The following MLLT3 variants were observed in gnomAD, a reference collection of about 807,000 sequenced individuals.
The protein encoded by MLLT3 is MLLT3 super elongation complex subunit.
MLLT3 carries 4 observed loss-of-function variants against 53.2 expected under a neutral mutation model. That is an observed-to-expected ratio of 0.08 (90% confidence interval 0.04 to 0.17). MLLT3 has a LOEUF of 0.17. Ranked by LOEUF, MLLT3 falls within the 10% of genes least tolerant of loss-of-function variation. The probability of loss-of-function intolerance (pLI) is 1.00; values close to 1 mark genes in which losing one functional copy is unlikely to be tolerated. For missense variants in MLLT3, 569 were observed against 684.0 expected (o/e 0.83, Z 1.87); for synonymous variants, 283 against 230.6 (o/e 1.23, Z -2.06).
chr9:20,347,935 T>A (rs942811573), intron 10 of MLLT3, among the ~76,000 whole-genome samples: 2 of 152,232 alleles, frequency 1.3e-5, no homozygotes, highest in Admixed American at 6.5e-5. Context: ...TACAATTAGC[T>A]TTCTTTTAAA....
intron 2 of MLLT3, among the ~76,000 whole-genome samples, chr9:20,595,336 A>G (rs960770828): frequency 1.3e-5 from 2 of 152,100 alleles, no homozygotes; most frequent in African/African-American, 4.8e-5. Flanking sequence ...ATACCACTGC[A>G]CTCCAGCCTG....
At chr9:20,438,257 C>A (rs1047017715) in intron 4 of MLLT3, among the ~76,000 whole-genome samples, 1 of 152,164 alleles carries the variant, frequency 6.6e-6, no homozygotes, top group Non-Finnish European at 1.5e-5. Context: ...TTTTTATGAA[C>A]CTATAAATAG....
chr9:20,524,183 G>A (rs537379611), intron 2 of MLLT3, among the ~76,000 whole-genome samples: 1 of 152,118 alleles, frequency 6.6e-6, no homozygotes, highest in South Asian at 2.1e-4. Flanking sequence ...ACTCTGGTAG[G>A]GGATGTTGAT....
intron 2 of MLLT3, among the ~76,000 whole-genome samples, chr9:20,544,632 T>C (rs73432584): frequency 0.039 from 5,914 of 152,282 alleles, 392 homozygotes; most frequent in African/African-American, 0.13. Context: ...TGCACTGTCA[T>C]TGGGGATACA....
At chr9:20,423,513 C>G (rs1823067938) in intron 4 of MLLT3, among the ~76,000 whole-genome samples, 1 of 151,938 alleles carries the variant, frequency 6.6e-6, no homozygotes, top group Non-Finnish European at 1.5e-5. Context: ...AACCACGGAC[C>G]AAGAATATTC....
intron 5 of MLLT3, among the ~76,000 whole-genome samples, chr9:20,371,686 C>G (rs969708366): frequency 1.3e-5 from 2 of 152,184 alleles, no homozygotes; most frequent in African/African-American, 4.8e-5. Flanking sequence ...TACCTGGTCA[C>G]CTGAAAGCTC....
intron 4 of MLLT3, among the ~76,000 whole-genome samples, chr9:20,431,586 C>T (rs1234764884): frequency 6.6e-6 from 1 of 152,074 alleles, no homozygotes; most frequent in African/African-American, 2.4e-5. Flanking sequence ...TATATGGGTA[C>T]TTGATCATTA....
intron 4 of MLLT3, among the ~76,000 whole-genome samples, chr9:20,436,376 T>C (rs534988409): frequency 1.1e-4 from 16 of 152,268 alleles, no homozygotes; most frequent in East Asian, 5.8e-4. Flanking sequence ...TCCACATAAA[T>C]TGTATTTTCA....
chr9:20,555,775 C>G (rs1819042342), intron 2 of MLLT3, among the ~76,000 whole-genome samples: 1 of 152,166 alleles, frequency 6.6e-6, no homozygotes, highest in Non-Finnish European at 1.5e-5. Flanking sequence ...TAGAAGCAAA[C>G]TGGTCTTGAT....
At chr9:20,565,910 ATATATATATATT>A (rs1819343239) in intron 2 of MLLT3, among the ~76,000 whole-genome samples, 1 of 119,308 alleles carries the variant, frequency 8.4e-6, no homozygotes, top group South Asian at 2.4e-4. Flanking sequence ...CAAGGAAAAA[ATATATATATATT>A]TATATATATA....
chr9:20,369,947 G>A (rs1821553620), intron 5 of MLLT3, among the ~76,000 whole-genome samples: 1 of 152,150 alleles, frequency 6.6e-6, no homozygotes, highest in South Asian at 2.1e-4. Flanking sequence ...AAAATTCAGA[G>A]AAGTCCAATG....
intron 2 of MLLT3, among the ~76,000 whole-genome samples, chr9:20,585,971 C>A (rs753253482): frequency 1.1e-4 from 16 of 152,168 alleles, no homozygotes; most frequent in Non-Finnish European, 2.1e-4. Flanking sequence ...GACCTGCAAC[C>A]ATTATCTTTT....
intron 2 of MLLT3, among the ~76,000 whole-genome samples, chr9:20,541,874 T>C (rs1818641645): frequency 6.6e-6 from 1 of 152,198 alleles, no homozygotes; most frequent in African/African-American, 2.4e-5. Flanking sequence ...TCTGCAGTCA[T>C]TTCCTCCACT....
chr9:20,532,793 TA>T, intron 2 of MLLT3: 1 of 260,428 alleles, frequency 3.8e-6, no homozygotes, highest in Non-Finnish European at 7.4e-6. Context: ...CTGAGATTAT[TA>T]ACCAGTTCAC....
chr9:20,491,541 T>C (rs1240502660), intron 2 of MLLT3, among the ~76,000 whole-genome samples: 1 of 152,152 alleles, frequency 6.6e-6, no homozygotes, highest in Non-Finnish European at 1.5e-5. Context: ...ATGCAATGGC[T>C]ATAGAAGATG....
intron 5 of MLLT3, among the ~76,000 whole-genome samples, chr9:20,372,418 G>A (rs1466914978): frequency 1.3e-5 from 2 of 151,958 alleles, no homozygotes; most frequent in Admixed American, 6.6e-5. Flanking sequence ...TTCTCTTTTA[G>A]ACGGAGTCTC....
At chr9:20,444,520 G>T (rs911661699) in intron 4 of MLLT3, among the ~76,000 whole-genome samples, 21 of 151,872 alleles carry the variant, frequency 1.4e-4, no homozygotes, top group South Asian at 4.2e-4. Context: ...AATTTTTAAA[G>T]TAAGTTCTCA....
At chr9:20,380,335 A>G (rs1240795130) in intron 5 of MLLT3, 2 of 151,992 alleles carry the variant, frequency 1.3e-5, no homozygotes, top group Non-Finnish European at 2.9e-5. Flanking sequence ...ACACTGTTCA[A>G]TTAGAACAAC....
chr9:20,511,429 T>A (rs997679326), intron 2 of MLLT3, among the ~76,000 whole-genome samples: 1 of 152,230 alleles, frequency 6.6e-6, no homozygotes, highest in African/African-American at 2.4e-5. Flanking sequence ...ATTTTAAGTA[T>A]AACACAATGA....
Sources: allele counts gnomAD v4.1 joint callset (sites outside exome capture counted in the v4.1 genomes callset), GRCh38; gene constraint gnomAD v4.1.1; transcripts MANE v1.5; gene names NCBI Gene and HGNC (gene_info 2026-07-23, HGNC 2026-07-21).